The following NRXN3 variants were observed in gnomAD, a reference collection of about 807,000 sequenced individuals.
NRXN3 encodes the protein neurexin 3.
In NRXN3, 32 loss-of-function variants were observed where a neutral mutation model predicts 137.6. The ratio of observed to expected loss-of-function variants is 0.23; its 90% CI spans 0.18 to 0.31. The LOEUF (loss-of-function observed/expected upper bound fraction) is 0.31. Among genes scored for constraint, NRXN3 ranks in the 10% least tolerant of loss-of-function variants. The probability of loss-of-function intolerance (pLI) is 1.00; values close to 1 mark genes in which losing one functional copy is unlikely to be tolerated. For missense variants in NRXN3, 1,574 were observed against 2,062.5 expected (o/e 0.76, Z 4.59); for synonymous variants, 798 against 784.5 (o/e 1.02, Z -0.29).
intron 4 of NRXN3, among the ~76,000 whole-genome samples, chr14:78,506,200 A>C (rs1227674457): frequency 2.6e-5 from 4 of 152,186 alleles, no homozygotes; most frequent in African/African-American, 9.7e-5. Context: ...GATATGTCAT[A>C]TAAATGGAAC....
At chr14:78,554,277 G>A (rs2096718523) in intron 4 of NRXN3, among the ~76,000 whole-genome samples, 1 of 152,130 alleles carries the variant, frequency 6.6e-6, no homozygotes, top group Non-Finnish European at 1.5e-5. Context: ...TGGCGGTCAC[G>A]ACCAAGCGAG....
intron 7 of NRXN3, among the ~76,000 whole-genome samples, chr14:78,712,421 A>G (rs1287539817): frequency 2.0e-5 from 3 of 152,234 alleles, no homozygotes; most frequent in Non-Finnish European, 4.4e-5. Flanking sequence ...TTGAAAAACA[A>G]AAGGCAAAGC....
Position 79,645,266 on chromosome 14 carries a change from T to C in NRXN3, c.3445-18512T>C, listed in dbSNP as rs1429322817. Among the ~76,000 whole-genome samples, 2 of 135,440 alleles carry C rather than the reference T, an allele frequency of 1.5e-5. 1 individual carries two copies. Among genetic ancestry groups the C allele is most frequent in the African/African-American group, 4.9e-5 (2 of 40,736 alleles). 88.9% of individuals were successfully genotyped at this position (135,440 alleles called of 152,430 possible). On this transcript the variant is annotated intron_variant, in intron 16 of 20. Coordinates refer to ENST00000335750, the MANE Select transcript of NRXN3 (RefSeq NM_001330195.2). ...TAAGCCTTTGGAATTCAGCCCAGCT[T>C]CCACACTTCTTGATAGCTGCCACCA...
At chr14:79,856,955 A>G (rs1230117932) in intron 20 of NRXN3, among the ~76,000 whole-genome samples, 1 of 152,172 alleles carries the variant, frequency 6.6e-6, no homozygotes, top group African/African-American at 2.4e-5. Context: ...ATCCCAAACT[A>G]AAGAAAAATT....
In NRXN3 at chr14:78,495,138, C is replaced by T. The variant is rs201647848; in HGVS notation, c.758-149982C>T. ...TATATGTGGGGTGTGTGTGTGCGTG[C>T]GTGTGTGTGTGTGTGTGTGTGTGTG... On this transcript the variant is annotated intron_variant, in intron 4 of 20. Transcript: ENST00000335750. Among the ~76,000 whole-genome samples the T allele has an allele frequency of 3.6e-5, 5 of 140,308 alleles. No individual in the cohort carries two copies. In the East Asian group the frequency reaches 6.3e-4, roughly 18 times the overall value. 92.0% of individuals were successfully genotyped at this position (140,308 alleles called of 152,430 possible). A position where few individuals can be genotyped will look rare whatever the true frequency, so the allele number is the denominator to read the frequency against.
At chr14:78,352,874 T>C (rs2153596979) in intron 4 of NRXN3, among the ~76,000 whole-genome samples, 1 of 152,262 alleles carries the variant, frequency 6.6e-6, no homozygotes, top group African/African-American at 2.4e-5. Flanking sequence ...TTTCTCTAAC[T>C]TGGGGGAGAG....
At position 79,488,613 on chromosome 14, in the gene NRXN3, A is replaced by T. The variant is rs557227769; in HGVS notation, c.3444+21211A>T. Among the ~76,000 whole-genome samples, 89 of 152,282 alleles carry T rather than the reference A, an allele frequency of 5.8e-4. 1 individual carries two copies. Among genetic ancestry groups the T allele is most frequent in the Non-Finnish European group, 1.0e-3 (68 of 68,022 alleles). Reference sequence around the variant, plus strand: ...AATGTCATCACCACCACAACAAATGATGGTGATAACTTGATGCTGGTGATG... The same window carrying T: ...AATGTCATCACCACCACAACAAATGTTGGTGATAACTTGATGCTGGTGATG... On this transcript the variant is annotated intron_variant, in intron 16 of 20. Coordinates refer to ENST00000335750, the MANE Select transcript of NRXN3 (RefSeq NM_001330195.2).
intron 15 of NRXN3, among the ~76,000 whole-genome samples, chr14:79,424,097 A>G (rs2095620213): frequency 6.6e-6 from 1 of 152,234 alleles, no homozygotes; most frequent in Non-Finnish European, 1.5e-5. Context: ...CAAATTATCC[A>G]GGTGTTGAAA....
chr14:78,968,828 G>T (rs577746276), intron 14 of NRXN3, among the ~76,000 whole-genome samples: 1 of 152,200 alleles, frequency 6.6e-6, no homozygotes, highest in Non-Finnish European at 1.5e-5. Flanking sequence ...ATGTCCAAAT[G>T]CCATGATGAT....
At chr14:78,582,317 T>G (rs561852060) in intron 4 of NRXN3, among the ~76,000 whole-genome samples, 1 of 152,356 alleles carries the variant, frequency 6.6e-6, no homozygotes, top group South Asian at 2.1e-4. Flanking sequence ...CTGCTTAGGT[T>G]GCTACCCTGA....
At chr14:79,772,677 G>A (rs1057341586) in intron 19 of NRXN3, among the ~76,000 whole-genome samples, 1 of 152,064 alleles carries the variant, frequency 6.6e-6, no homozygotes. Flanking sequence ...AAAAACCCTG[G>A]AAGAAAACCT....
At chr14:79,038,800 G>A (rs752553587) in intron 15 of NRXN3, among the ~76,000 whole-genome samples, 4 of 152,082 alleles carry the variant, frequency 2.6e-5, no homozygotes, top group South Asian at 4.2e-4. Flanking sequence ...GTTAACAGAA[G>A]TACAGGCGAG....
chr14:78,765,331 T>A (rs1356014813), intron 8 of NRXN3, among the ~76,000 whole-genome samples: 1 of 152,148 alleles, frequency 6.6e-6, no homozygotes, highest in Admixed American at 6.5e-5. Context: ...TGTTCTATTT[T>A]TAGTAGACAT....
intron 15 of NRXN3, among the ~76,000 whole-genome samples, chr14:79,186,225 AAATCGTGACG>A (rs141962190): frequency 0.036 from 5,443 of 151,820 alleles, 236 homozygotes; most frequent in East Asian, 0.22. Context: ...GCATCCAAAC[AAATCGTGACG>A]TCAAGGGTGT....
intron 9 of NRXN3, among the ~76,000 whole-genome samples, chr14:78,804,720 G>A (rs2098850741): frequency 6.6e-6 from 1 of 151,920 alleles, no homozygotes; most frequent in African/African-American, 2.4e-5. Context: ...GACCTTTACT[G>A]AATTCTAATT....
At chr14:79,276,458 G>T (rs972946663) in intron 15 of NRXN3, among the ~76,000 whole-genome samples, 2 of 152,194 alleles carry the variant, frequency 1.3e-5, no homozygotes, top group Middle Eastern at 3.4e-3. Flanking sequence ...TTCCCAAATG[G>T]AATCAGCCTT....
chr14:79,185,180 G>A (rs1050360024), intron 15 of NRXN3, among the ~76,000 whole-genome samples: 5 of 151,730 alleles, frequency 3.3e-5, no homozygotes, highest in South Asian at 2.1e-4. Context: ...TAATAAGCTC[G>A]TGTCTTGAGC....
intron 10 of NRXN3, among the ~76,000 whole-genome samples, chr14:78,906,415 T>A (rs61994001): frequency 0.037 from 5,559 of 152,146 alleles, 182 homozygotes; most frequent in African/African-American, 0.084. Flanking sequence ...TTTCTCTGTG[T>A]CTACACACCT....
intron 10 of NRXN3, among the ~76,000 whole-genome samples, chr14:78,933,111 G>A (rs185565028): frequency 7.2e-5 from 11 of 152,274 alleles, no homozygotes; most frequent in East Asian, 3.9e-4. Flanking sequence ...GTCTCACTTC[G>A]TACTGAAATG....
Sources: gnomAD v4.1 joint callset for allele counts (sites outside exome capture counted in the v4.1 genomes callset) on GRCh38, gnomAD v4.1.1 for gene constraint, MANE v1.5 for transcripts, NCBI Gene and HGNC (gene_info 2026-07-23, HGNC 2026-07-21) for gene names.